Variants in DOCK3 observed in about 807,000 individuals in gnomAD.
DOCK3 encodes dedicator of cytokinesis protein 3.
A neutral mutation model predicts 265.6 loss-of-function variants in DOCK3; 60 were observed. The ratio of observed to expected loss-of-function variants is 0.23; its 90% CI spans 0.18 to 0.28. The LOEUF is 0.28. Among genes scored for constraint, DOCK3 ranks in the 10% least tolerant of loss-of-function variants. The pLI is 1.00. For synonymous variants in DOCK3, 881 were observed against 938.0 expected, an observed-to-expected ratio of 0.94 and a Z score of 1.11; for missense variants, 1,981 against 2,594.3, an observed-to-expected ratio of 0.76 and a Z score of 5.14.
intron 4 of DOCK3, chr3:50,900,686 G>C (rs1283349782): frequency 2.2e-6 from 1 of 450,840 alleles, no homozygotes; most frequent in East Asian, 7.3e-5. Context: ...TGTTAATGTT[G>C]ATCTTATTCC....
chr3:51,127,707 T>C (rs902527483), intron 9 of DOCK3, among the ~76,000 whole-genome samples: 2 of 152,234 alleles, frequency 1.3e-5, no homozygotes, highest in African/African-American at 4.8e-5. Flanking sequence ...ATAGCTGGTA[T>C]TGATGACTAC....
At chr3:50,953,493 A>G (rs1226202994) in intron 5 of DOCK3, among the ~76,000 whole-genome samples, 1 of 152,160 alleles carries the variant, frequency 6.6e-6, no homozygotes, top group Non-Finnish European at 1.5e-5. Context: ...TCATAGGAAC[A>G]GGAAAGGTTC....
Position 50,789,395 on chromosome 3 carries a change from A to G in DOCK3, c.121+10637A>G, listed in dbSNP as rs576869703. The stretch of plus-strand genomic sequence containing the variant: ...TATAGAGAGTTGTTTTGTGGCCTGT[A>G]ATATGATCTATCTTGGAGAATGTTC... On this transcript the variant is annotated intron_variant, in intron 2 of 52. Coordinates refer to ENST00000266037, the MANE Select transcript of DOCK3 (RefSeq NM_004947.5). Among the ~76,000 whole-genome samples the G allele has an allele frequency of 7.2e-5, 11 of 152,278 alleles. No homozygotes were observed. In the East Asian group the frequency reaches 1.9e-3, roughly 27 times the overall value.
intron 1 of DOCK3, among the ~76,000 whole-genome samples, chr3:50,738,719 C>G (rs1392913149): frequency 6.6e-6 from 1 of 152,122 alleles, no homozygotes; most frequent in East Asian, 1.9e-4. Flanking sequence ...TGGTGAGGTA[C>G]TATTCCCAAA....
At chr3:51,218,821 G>T (rs542056956) in intron 14 of DOCK3, among the ~76,000 whole-genome samples, 6 of 152,046 alleles carry the variant, frequency 3.9e-5, no homozygotes, top group Non-Finnish European at 7.4e-5. Flanking sequence ...AGAATCACCT[G>T]CAAGGCCCAT....
intron 3 of DOCK3, among the ~76,000 whole-genome samples, chr3:50,853,827 C>G (rs2046450236): frequency 6.6e-6 from 1 of 151,508 alleles, no homozygotes; most frequent in Non-Finnish European, 1.5e-5. Context: ...GGGTAGATAC[C>G]CAGTCGTGGG....
At chr3:50,757,904 G>A (rs1006157289) in intron 1 of DOCK3, among the ~76,000 whole-genome samples, 1 of 151,990 alleles carries the variant, frequency 6.6e-6, no homozygotes, top group Non-Finnish European at 1.5e-5. Flanking sequence ...GGCTGGGCAC[G>A]GTGGCTCACG....
chr3:50,840,608 G>C (rs1338661580), intron 2 of DOCK3, among the ~76,000 whole-genome samples: 3 of 152,014 alleles, frequency 2.0e-5, no homozygotes, highest in Non-Finnish European at 4.4e-5. Context: ...GATTACTTTA[G>C]CTTCATAGTG....
chr3:50,698,428 G>A (rs573210406), intron 1 of DOCK3, among the ~76,000 whole-genome samples: 27 of 148,116 alleles, frequency 1.8e-4, no homozygotes, highest in African/African-American at 6.7e-4. Context: ...TGGATAGTTG[G>A]ATTGTTTCTA....
chr3:50,826,543 G>T (rs1220574848), intron 2 of DOCK3, among the ~76,000 whole-genome samples: 1 of 152,100 alleles, frequency 6.6e-6, no homozygotes, highest in African/African-American at 2.4e-5. Flanking sequence ...ATTTGAAGAT[G>T]CCTCTAACAT....
rs375992677 is a variant in DOCK3 at position 51,228,677 on chromosome 3, C to T, written c.1664C>T (p.Thr555Met). The change falls in exon 18 of 53, where the codon ACG becomes ATG. Residue 555 changes from threonine to methionine, a missense_variant. This residue lies in a region of DOCK3 where 1,357 missense variants were observed against 1,866.8 expected (regional missense o/e 0.73). Coordinates refer to ENST00000266037, the MANE Select transcript of DOCK3 (RefSeq NM_004947.5). ...TGCCTACAGTGTGATGAGAATAGCA[C>T]GTTTAATAACCATGCTCTGTACCTG... Reference protein sequence around the residue: ...LYVYKCDENSTFNNHALYLGL... With the variant: ...LYVYKCDENSMFNNHALYLGL... The T allele has an allele frequency of 1.1e-5, 17 of 1,613,468 alleles. No individual in the cohort carries two copies. The highest frequency in any genetic ancestry group is 2.2e-5 in the East Asian group (1 of 44,892).
At chr3:51,103,562 T>G (rs2083163167) in intron 9 of DOCK3, among the ~76,000 whole-genome samples, 1 of 152,232 alleles carries the variant, frequency 6.6e-6, no homozygotes, top group African/African-American at 2.4e-5. Context: ...TTAAGCCATG[T>G]GCAATAGTCT....
chr3:51,254,093 C>T (rs1443057216), intron 22 of DOCK3, among the ~76,000 whole-genome samples: 2 of 152,188 alleles, frequency 1.3e-5, no homozygotes, highest in Non-Finnish European at 2.9e-5. Context: ...TTTCGAAGAA[C>T]ATCTTTATTT....
intron 10 of DOCK3, among the ~76,000 whole-genome samples, chr3:51,156,139 A>C (rs2107470064): frequency 6.6e-6 from 1 of 152,352 alleles, no homozygotes; most frequent in Admixed American, 6.5e-5. Context: ...TCTGCAACTT[A>C]CGTATGAATA....
At chr3:50,679,428 C>T (rs568777793) in intron 1 of DOCK3, among the ~76,000 whole-genome samples, 9 of 152,012 alleles carry the variant, frequency 5.9e-5, no homozygotes, top group Admixed American at 1.3e-4. Context: ...AAAAGTAATG[C>T]GTATTTTATG....
intron 9 of DOCK3, among the ~76,000 whole-genome samples, chr3:51,119,936 A>T (rs1240728105): frequency 6.6e-6 from 1 of 151,886 alleles, no homozygotes; most frequent in Non-Finnish European, 1.5e-5. Context: ...GGAGTTTGTT[A>T]TTACCCACCT....
intron 38 of DOCK3, among the ~76,000 whole-genome samples, chr3:51,345,099 G>T (rs2085474770): frequency 6.6e-6 from 1 of 152,250 alleles, no homozygotes. Context: ...AGGCTGGCCA[G>T]AAGTCTGTAT....
At chr3:50,825,335 C>G (rs2044696697) in intron 2 of DOCK3, among the ~76,000 whole-genome samples, 1 of 152,184 alleles carries the variant, frequency 6.6e-6, no homozygotes, top group African/African-American at 2.4e-5. Flanking sequence ...ACAGCCGAAT[C>G]CCAAGGTGGT....
At chr3:51,051,867 G>T (rs1250309574) in intron 5 of DOCK3, among the ~76,000 whole-genome samples, 1 of 152,018 alleles carries the variant, frequency 6.6e-6, no homozygotes, top group Non-Finnish European at 1.5e-5. Context: ...TGGGAGCAAG[G>T]GGGTGGGAGA....
Sources: allele counts gnomAD v4.1 joint callset (sites outside exome capture counted in the v4.1 genomes callset), GRCh38; gene constraint gnomAD v4.1.1; regional missense constraint gnomAD v4.1.1; transcripts MANE v1.5; gene names NCBI Gene and HGNC (gene_info 2026-07-23, HGNC 2026-07-21).